The following TMEM117 variants were observed in gnomAD, a reference collection of about 807,000 sequenced individuals.
TMEM117 encodes the protein transmembrane protein 117.
Under a neutral mutation model 52.4 loss-of-function variants are expected in TMEM117, and 27 were observed. That is an observed-to-expected ratio of 0.51 (90% CI 0.38 to 0.71). TMEM117 has a LOEUF of 0.71. Ranked by LOEUF, TMEM117 falls within the 30% of genes least tolerant of loss-of-function variation. TMEM117 has a pLI of 0.00. For missense variants in TMEM117, 556 were observed against 630.5 expected (o/e 0.88, Z 1.26); for synonymous variants, 215 against 206.3 (o/e 1.04, Z -0.36).
chr12:44,291,893 T>C (rs1292624869), intron 5 of TMEM117, among the ~76,000 whole-genome samples: 2 of 152,066 alleles, frequency 1.3e-5, no homozygotes, highest in Non-Finnish European at 2.9e-5. Flanking sequence ...TTTGATTACA[T>C]TTTCTTAAAA....
At position 44,042,350 on chromosome 12, in the gene TMEM117, T is replaced by G. The variant is rs564201052; in HGVS notation, c.410+98008T>G. On this transcript the variant is annotated intron_variant, in intron 3 of 7. Transcript: ENST00000266534. The stretch of plus-strand genomic sequence containing the variant: ...ATTTATTTAAAAAAACTTAAAATCT[T>G]AATTTTTTTTTCAAATATTATTAAG... 3.4e-5 allele frequency among the ~76,000 whole-genome samples: 5 copies of G among 144,940 alleles called. No homozygotes were observed. In the South Asian group the frequency reaches 1.0e-3, roughly 30 times the overall value.
At chr12:44,327,045 A>C (rs1235372786) in intron 6 of TMEM117, among the ~76,000 whole-genome samples, 1 of 152,140 alleles carries the variant, frequency 6.6e-6, no homozygotes, top group African/African-American at 2.4e-5. Flanking sequence ...TAAAGTACTT[A>C]TATTTGTATA....
At chr12:44,259,449 G>A (rs1305664347) in intron 5 of TMEM117, among the ~76,000 whole-genome samples, 4 of 152,042 alleles carry the variant, frequency 2.6e-5, no homozygotes, top group East Asian at 3.9e-4. Flanking sequence ...GTCTCACTGC[G>A]CAAATACTTT....
At chr12:44,043,047 A>G (rs912985833) in intron 3 of TMEM117, among the ~76,000 whole-genome samples, 3 of 152,164 alleles carry the variant, frequency 2.0e-5, no homozygotes, top group African/African-American at 7.2e-5. Flanking sequence ...AATGCATTTG[A>G]CACTCTTCTT....
At chr12:44,006,490 A>C (rs1318984627) in intron 3 of TMEM117, among the ~76,000 whole-genome samples, 1 of 152,174 alleles carries the variant, frequency 6.6e-6, no homozygotes, top group African/African-American at 2.4e-5. Context: ...TTGGTTTTTC[A>C]TGCAGATTGA....
At chr12:43,932,063 G>A (rs1328749306) in intron 2 of TMEM117, among the ~76,000 whole-genome samples, 2 of 152,008 alleles carry the variant, frequency 1.3e-5, no homozygotes, top group African/African-American at 4.8e-5. Flanking sequence ...TATGTTTGTT[G>A]TGTTTCCCGT....
chr12:43,879,722 T>C (rs1175987082), intron 2 of TMEM117, among the ~76,000 whole-genome samples: 2 of 152,350 alleles, frequency 1.3e-5, no homozygotes, highest in South Asian at 2.1e-4. Context: ...AACACTAATT[T>C]ATTCAAGTTT....
intron 2 of TMEM117, among the ~76,000 whole-genome samples, chr12:43,875,220 AGTGT>A (rs63614060): frequency 0.53 from 77,988 of 148,028 alleles, 22,584 homozygotes; most frequent in Non-Finnish European, 0.64. Context: ...ATGGTGGGGA[AGTGT>A]GTGTGTGTGT....
At chr12:44,390,326 A>T (rs147117455), downstream of TMEM117, among the ~76,000 whole-genome samples, 1 of 152,224 alleles carries the variant, frequency 6.6e-6, no homozygotes, top group East Asian at 1.9e-4. Context: ...ACTAGCTATT[A>T]CTAAATTTTG....
At chr12:44,353,413 G>A (rs1286029124) in intron 6 of TMEM117, among the ~76,000 whole-genome samples, 7 of 152,052 alleles carry the variant, frequency 4.6e-5, no homozygotes, top group Non-Finnish European at 1.0e-4. Context: ...TTTCTTGTAG[G>A]GTTTTTATGG....
the TMEM117 span, among the ~76,000 whole-genome samples, chr12:43,821,321 A>C: frequency 3.9e-5 from 6 of 152,138 alleles, no homozygotes; most frequent in East Asian, 1.9e-4. Flanking sequence ...CAGAGGTCTT[A>C]ACAGGCTGGA....
At chr12:44,023,351 G>A (rs1313103782) in intron 3 of TMEM117, among the ~76,000 whole-genome samples, 3 of 152,120 alleles carry the variant, frequency 2.0e-5, no homozygotes, top group Admixed American at 6.5e-5. Flanking sequence ...GTAATGGGAT[G>A]GCTGGGTCAA....
intron 6 of TMEM117, among the ~76,000 whole-genome samples, chr12:44,375,164 A>C (rs907452014): frequency 1.3e-5 from 2 of 152,060 alleles, no homozygotes; most frequent in Non-Finnish European, 2.9e-5. Flanking sequence ...TGCATCTTCT[A>C]CCTCCTTTAA....
At chr12:43,800,355 G>C in the TMEM117 span, 3 of 919,752 alleles carry the variant, frequency 3.3e-6, no homozygotes, top group Non-Finnish European at 5.0e-6. Flanking sequence ...ATCTGAATTC[G>C]TATCAATTAC....
intron 6 of TMEM117, among the ~76,000 whole-genome samples, chr12:44,349,876 T>C (rs530274695): frequency 6.6e-6 from 1 of 152,098 alleles, no homozygotes; most frequent in South Asian, 2.1e-4. Context: ...GTTACTCCAA[T>C]CTAGCAGAAG....
chr12:43,916,658 C>G (rs2137545647), intron 2 of TMEM117, among the ~76,000 whole-genome samples: 1 of 152,240 alleles, frequency 6.6e-6, no homozygotes, highest in Middle Eastern at 3.4e-3. Flanking sequence ...AGGAGAAACA[C>G]AATGAAGAGT....
At chr12:43,998,587 G>T (rs796177876) in intron 3 of TMEM117, among the ~76,000 whole-genome samples, 1 of 152,158 alleles carries the variant, frequency 6.6e-6, no homozygotes, top group Non-Finnish European at 1.5e-5. Flanking sequence ...CAGATGAAGT[G>T]TAAGTCTAAA....
Position 44,149,288 on chromosome 12 carries a change from C to T in TMEM117, c.510+5664C>T, listed in dbSNP as rs189443073. Among the ~76,000 whole-genome samples the T allele has an allele frequency of 1.7e-3, 257 of 151,954 alleles. 3 individuals are homozygous for T. The highest frequency in any genetic ancestry group is 5.3e-3 in the Admixed American group (81 of 15,262). ...TCATGTGAGCAAGAAGAGATTACTA[C>T]GTAAGATAGAAAATTGGTTAAATTT... On this transcript the variant is annotated intron_variant, in intron 4 of 7. Coordinates refer to ENST00000266534, the MANE Select transcript of TMEM117 (RefSeq NM_032256.3).
At chr12:44,016,184 C>G (rs1339640927) in intron 3 of TMEM117, among the ~76,000 whole-genome samples, 1 of 152,186 alleles carries the variant, frequency 6.6e-6, no homozygotes, top group Non-Finnish European at 1.5e-5. Flanking sequence ...TCCACTACCT[C>G]TCACTACTGC....
Sources: gnomAD v4.1 joint callset for allele counts (sites outside exome capture counted in the v4.1 genomes callset) on GRCh38, gnomAD v4.1.1 for gene constraint, MANE v1.5 for transcripts, NCBI Gene and HGNC (gene_info 2026-07-23, HGNC 2026-07-21) for gene names.